The following ENOX1 variants were observed in gnomAD, a reference collection of about 807,000 sequenced individuals.
The protein encoded by ENOX1 is candidate growth-related and time keeping constitutive hydroquinone (NADH) oxidase.
Under a neutral mutation model 82.5 loss-of-function variants are expected in ENOX1, and 42 were observed. The observed-to-expected ratio is 0.51, with a 90% confidence interval of 0.40 to 0.66. The LOEUF (loss-of-function observed/expected upper bound fraction) is 0.66, where lower values mean the gene tolerates loss of function less well. Among genes scored for constraint, ENOX1 ranks in the 30% least tolerant of loss-of-function variants. ENOX1 has a pLI of 0.00. For synonymous variants in ENOX1, 271 were observed against 282.2 expected, an observed-to-expected ratio of 0.96 and a Z score of 0.40; for missense variants, 608 against 811.6, an observed-to-expected ratio of 0.75 and a Z score of 3.05.
At chr13:43,359,082 C>T (rs2050330707) in intron 7 of ENOX1, among the ~76,000 whole-genome samples, 1 of 152,106 alleles carries the variant, frequency 6.6e-6, no homozygotes, top group African/African-American at 2.4e-5. Flanking sequence ...CCTCCCCACC[C>T]CCACCCGCTA....
rs1317461135 is a variant in ENOX1, at chr13:43,442,298, T to G, written c.-74-29310A>C. 5.9e-5 allele frequency among the ~76,000 whole-genome samples: 9 copies of G among 152,258 alleles called. No homozygotes were observed. In the East Asian group the frequency reaches 1.7e-3, roughly 29 times the overall value. ...GGTCAACACTCAAGTGTTTTATTTA[T>G]GCACGGCAGAACCTCAGTCTAAAAG... On this transcript the variant is annotated intron_variant, in intron 3 of 16. Transcript: ENST00000690772.
intron 9 of ENOX1, 51 bp from the exon 10 acceptor site, chr13:43,326,576 C>T: frequency 6.8e-7 from 1 of 1,475,788 alleles, no homozygotes; most frequent in Non-Finnish European, 9.5e-7. Flanking sequence ...GTTGTGATCA[C>T]TATAGGGAAG....
chr13:43,713,321 T>C (rs1197511521), intron 1 of ENOX1, among the ~76,000 whole-genome samples: 1 of 152,208 alleles, frequency 6.6e-6, no homozygotes, highest in Non-Finnish European at 1.5e-5. Flanking sequence ...TTGCCAGTAT[T>C]TTATTGAGGA....
intron 1 of ENOX1, among the ~76,000 whole-genome samples, chr13:43,684,825 A>G (rs370064443): frequency 2.6e-4 from 40 of 152,222 alleles, no homozygotes; most frequent in African/African-American, 9.2e-4. Flanking sequence ...GTCTCTTTAC[A>G]GATTTTTTGG....
At chr13:43,742,298 G>A (rs928192143) in intron 1 of ENOX1, among the ~76,000 whole-genome samples, 19 of 152,172 alleles carry the variant, frequency 1.2e-4, no homozygotes, top group African/African-American at 4.6e-4. Flanking sequence ...CAAATCTGAA[G>A]GGCTGAGGAG....
intron 3 of ENOX1, among the ~76,000 whole-genome samples, chr13:43,443,904 A>T (rs186463424): frequency 3.9e-5 from 6 of 152,338 alleles, no homozygotes; most frequent in African/African-American, 1.4e-4. Flanking sequence ...TTAAGTGTGC[A>T]ATGTCTAACA....
At chr13:43,442,244 C>G (rs2056402197) in intron 3 of ENOX1, among the ~76,000 whole-genome samples, 1 of 152,110 alleles carries the variant, frequency 6.6e-6, no homozygotes, top group South Asian at 2.1e-4. Flanking sequence ...TAAAGGTACT[C>G]AACATTTCTA....
At chr13:43,240,732 T>G (rs2042781247) in intron 14 of ENOX1, among the ~76,000 whole-genome samples, 1 of 152,210 alleles carries the variant, frequency 6.6e-6, no homozygotes, top group Non-Finnish European at 1.5e-5. Context: ...TCAAAATATT[T>G]TGGAGGAAGT....
At chr13:43,471,592 C>T (rs1169481383) in intron 3 of ENOX1, among the ~76,000 whole-genome samples, 1 of 152,020 alleles carries the variant, frequency 6.6e-6, no homozygotes, top group African/African-American at 2.4e-5. Flanking sequence ...GGGAGGATCA[C>T]AGGGTCAGGA....
intron 1 of ENOX1, among the ~76,000 whole-genome samples, chr13:43,759,994 TCA>T (rs1031503344): frequency 3.0e-4 from 45 of 152,340 alleles, no homozygotes; most frequent in African/African-American, 1.1e-3. Context: ...TGCTTCATTA[TCA>T]CAAAATTATG....
chr13:43,589,698 T>C (rs1330970059), intron 2 of ENOX1, among the ~76,000 whole-genome samples: 3 of 152,090 alleles, frequency 2.0e-5, no homozygotes, highest in Non-Finnish European at 2.9e-5. Context: ...TTTGGAGAGA[T>C]GCAGTCTCAC....
At chr13:43,414,362 G>C (rs718716) in intron 3 of ENOX1, among the ~76,000 whole-genome samples, 24,549 of 152,090 alleles carry the variant, frequency 0.16, 2,525 homozygotes, top group East Asian at 0.52. Flanking sequence ...ATCCAACAGT[G>C]AATGATTCTA....
intron 6 of ENOX1, 40 bp from the exon 7 acceptor site, chr13:43,360,097 T>A (rs2050402456): frequency 6.3e-7 from 1 of 1,588,346 alleles, no homozygotes. Context: ...ATCTTTCATT[T>A]ATTTGCTTTC....
intron 4 of ENOX1, 104 bp downstream of exon 4, chr13:43,412,741 C>A (rs1248409016): frequency 7.4e-6 from 10 of 1,345,430 alleles, no homozygotes; most frequent in South Asian, 1.4e-5. Flanking sequence ...TCTTTATGGG[C>A]CCAGGCTCCT....
At chr13:43,747,135 C>T (rs536194032) in intron 1 of ENOX1, among the ~76,000 whole-genome samples, 6 of 152,206 alleles carry the variant, frequency 3.9e-5, no homozygotes, top group South Asian at 2.1e-4. Context: ...CATCACAACC[C>T]GTACCACTTC....
intron 2 of ENOX1, among the ~76,000 whole-genome samples, chr13:43,572,650 G>C (rs2080235292): frequency 1.3e-5 from 2 of 152,236 alleles, no homozygotes; most frequent in African/African-American, 4.8e-5. Flanking sequence ...GAAAATCTCT[G>C]CTCTTCTGCC....
chr13:43,302,012 A>G (rs1246543768), intron 11 of ENOX1, among the ~76,000 whole-genome samples: 1 of 152,114 alleles, frequency 6.6e-6, no homozygotes, highest in Non-Finnish European at 1.5e-5. Context: ...ACTGTACTAA[A>G]TTAAAGAGTT....
At chr13:43,716,000 G>T (rs2088099693) in intron 1 of ENOX1, among the ~76,000 whole-genome samples, 1 of 152,202 alleles carries the variant, frequency 6.6e-6, no homozygotes, top group African/African-American at 2.4e-5. Flanking sequence ...CCATTGGTTT[G>T]AATTTCCTCC....
chr13:43,587,765 T>C (rs1421985158), intron 2 of ENOX1, among the ~76,000 whole-genome samples: 1 of 152,228 alleles, frequency 6.6e-6, no homozygotes, highest in Non-Finnish European at 1.5e-5. Flanking sequence ...ACATGTTATA[T>C]ATTTATGTGG....
Sources: allele counts gnomAD v4.1 joint callset (sites outside exome capture counted in the v4.1 genomes callset), GRCh38; gene constraint gnomAD v4.1.1; transcripts MANE v1.5; gene names NCBI Gene and HGNC (gene_info 2026-07-23, HGNC 2026-07-21).